The following ZNF451 variants were observed in gnomAD, a reference collection of about 807,000 sequenced individuals.
The protein encoded by ZNF451 is zinc finger protein 451, also known as E3 SUMO-protein ligase ZNF451.
In ZNF451, 80 loss-of-function variants were observed where a neutral mutation model predicts 107.1. That is an observed-to-expected ratio of 0.75 (90% CI 0.62 to 0.90). The LOEUF is 0.90. ZNF451 is among the 40% of genes least tolerant of loss of function. The pLI is 0.00. For synonymous variants in ZNF451, 362 were observed against 406.5 expected, an observed-to-expected ratio of 0.89 and a Z score of 1.32; for missense variants, 1,107 against 1,236.2, an observed-to-expected ratio of 0.90 and a Z score of 1.57.
intron 7 of ZNF451, among the ~76,000 whole-genome samples, chr6:57,136,653 T>C (rs770311031): frequency 2.0e-5 from 3 of 152,190 alleles, no homozygotes; most frequent in Non-Finnish European, 4.4e-5. Flanking sequence ...TGTTCTGCAT[T>C]TTCCAGAATT....
intron 13 of ZNF451, among the ~76,000 whole-genome samples, chr6:57,155,474 A>G (rs1238397353): frequency 1.3e-5 from 2 of 152,228 alleles, no homozygotes; most frequent in Non-Finnish European, 2.9e-5. Context: ...CAATAAGACC[A>G]AAAACTTCGT....
intron 14 of ZNF451, among the ~76,000 whole-genome samples, chr6:57,163,131 T>A (rs1033821465): frequency 6.4e-4 from 97 of 152,258 alleles, no homozygotes; most frequent in African/African-American, 2.2e-3. Flanking sequence ...CCCCTCCTCA[T>A]CACCCCAAAA....
Position 57,106,356 on chromosome 6 carries a change from C to G in ZNF451, c.186+7215C>G, listed in dbSNP as rs1022062157. The stretch of plus-strand genomic sequence containing the variant: ...GACAGTTTCGCTCTTGTTGCCCAGG[C>G]TGGAGTGCAATGGCACGATCTTGGC... On this transcript the variant is annotated intron_variant, in intron 3 of 14. Coordinates refer to ENST00000370706, the MANE Select transcript of ZNF451 (RefSeq NM_001031623.3). 12 of 941,330 alleles carry G rather than the reference C, an allele frequency of 1.3e-5. No homozygotes were observed. In the South Asian group the frequency reaches 4.4e-4, roughly 35 times the overall value. The allele number at this position is 941,330 out of a possible 1,614,324, so 58.3% of individuals were successfully genotyped here. A position where few individuals can be genotyped will look rare whatever the true frequency, so the allele number is the denominator to read the frequency against.
chr6:57,093,489 T>A (rs1467186410), intron 2 of ZNF451, among the ~76,000 whole-genome samples: 1 of 152,216 alleles, frequency 6.6e-6, no homozygotes, highest in Non-Finnish European at 1.5e-5. Context: ...AGCCGTGAGT[T>A]AAGTTCCTTA....
intron 10 of ZNF451, 100 bp from the exon 11 acceptor site, chr6:57,150,619 G>A: frequency 8.2e-7 from 1 of 1,215,778 alleles, no homozygotes; most frequent in Non-Finnish European, 1.1e-6. Context: ...TTCAAGGTTA[G>A]TATTTTTGCA....
intron 13 of ZNF451, chr6:57,159,382 C>G (rs779602543): frequency 9.1e-6 from 9 of 985,364 alleles, no homozygotes; most frequent in Non-Finnish European, 1.1e-5. Flanking sequence ...ATTGTAATAA[C>G]AGAAAGCTGT....
rs1329435643 is a variant in ZNF451, at chr6:57,147,871, T to A, written c.1786T>A (p.Ser596Thr). 6.2e-7 allele frequency: 1 copy of A among 1,613,960 alleles called. No homozygotes were observed. The highest frequency in any genetic ancestry group is 8.5e-7 in the Non-Finnish European group (1 of 1,179,988). Reference sequence around the variant, plus strand: ...ATCAGCTATTACTGTTATTGATCATTCCCCGGCAAATAGTTCTCCGAGGGG... The same window carrying A: ...ATCAGCTATTACTGTTATTGATCATACCCCGGCAAATAGTTCTCCGAGGGG... Reference protein sequence around the residue: ...PSSAITVIDHSPANSSPRGKW... With the variant: ...PSSAITVIDHTPANSSPRGKW... The change falls in exon 10 of 15, where the codon TCC becomes ACC. Residue 596 changes from serine to threonine, a missense_variant. Transcript: ENST00000370706.
At position 57,141,718 on chromosome 6, in the gene ZNF451, T is replaced by C. The variant is rs554484925; in HGVS notation, c.857-230T>C. 2.0e-5 allele frequency among the ~76,000 whole-genome samples: 3 copies of C among 152,320 alleles called. No homozygotes were observed. In the South Asian group the frequency reaches 6.2e-4, roughly 32 times the overall value. Reference sequence around the variant, plus strand: ...GATAATGTTATGTTATATCATGATATCTTGGAAGTTTTCTGTTTCTCGGCA... The same window carrying C: ...GATAATGTTATGTTATATCATGATACCTTGGAAGTTTTCTGTTTCTCGGCA... On this transcript the variant is annotated intron_variant, in intron 8 of 14. Coordinates refer to ENST00000370706, the MANE Select transcript of ZNF451 (RefSeq NM_001031623.3).
At chr6:57,107,775 G>T (rs1366260089) in intron 3 of ZNF451, 1 of 983,834 alleles carries the variant, frequency 1.0e-6, no homozygotes, top group Non-Finnish European at 1.2e-6. Flanking sequence ...AAGTTGTACT[G>T]TTTTCTAGTA....
At position 57,169,612 on chromosome 6, in the gene ZNF451, T is replaced by C. The variant is rs1321357363; in HGVS notation, c.*1143T>C. ...TATATTTAAGACAAAATATAAAGGC[T>C]AGAATTTGGTTCCTTCTCTGTAACA... On this transcript the variant is annotated 3_prime_UTR_variant, in exon 15 of 15. Transcript: ENST00000370706. The C allele has an allele frequency of 6.6e-6, 1 of 152,196 alleles. No individual in the cohort carries two copies. The highest frequency in any genetic ancestry group is 2.4e-5 in the African/African-American group (1 of 41,458). 9.4% of individuals were successfully genotyped at this position (152,196 alleles called of 1,614,324 possible). A position where few individuals can be genotyped will look rare whatever the true frequency, so the allele number is the denominator to read the frequency against.
At position 57,105,114 on chromosome 6, in the gene ZNF451, A is replaced by G. The variant is rs149314671; in HGVS notation, c.186+5973A>G. On this transcript the variant is annotated intron_variant, in intron 3 of 14. Coordinates refer to ENST00000370706, the MANE Select transcript of ZNF451 (RefSeq NM_001031623.3). ...TAGAATCAGAAACTCTTAGTCAGAT[A>G]ATAAATCCTCATATTATGCCTGCCA... 5.5e-5 allele frequency: 54 copies of G among 985,446 alleles called. No individual in the cohort carries two copies. The East Asian group carries it at 6.0e-3, about 110-fold the overall frequency. 61.0% of individuals were successfully genotyped at this position (985,446 alleles called of 1,614,324 possible). A position where few individuals can be genotyped will look rare whatever the true frequency, so the allele number is the denominator to read the frequency against.
intron 5 of ZNF451, among the ~76,000 whole-genome samples, chr6:57,130,009 A>C (rs1831109422): frequency 1.3e-5 from 2 of 152,158 alleles, no homozygotes; most frequent in African/African-American, 4.8e-5. Flanking sequence ...TACAGTATTT[A>C]TTATGTTCGA....
chr6:57,147,501 G>T lies in ZNF451; in HGVS notation c.1416G>T (p.Trp472Cys). ...AAGAAAAATCAGTAGTTAAAACCTG[G>T]TTCTGTGAATGCAATCAGCGATTCC... ...VQKEKSVVKTWFCECNQRFPS... is the reference protein window; with the variant it reads ...VQKEKSVVKTCFCECNQRFPS... The change falls in exon 10 of 15, where the codon TGG becomes TGT. Residue 472 changes from tryptophan to cysteine, a missense_variant. By Grantham distance (215) the Trp-to-Cys change is radical (BLOSUM62 -2). Transcript: ENST00000370706. The T allele has an allele frequency of 6.2e-7, 1 of 1,614,136 alleles. No homozygotes were observed. Among genetic ancestry groups the T allele is most frequent in the Middle Eastern group, 1.6e-4 (1 of 6,062 alleles).
intron 3 of ZNF451, chr6:57,105,276 G>T (rs544643741): frequency 1.0e-6 from 1 of 985,000 alleles, no homozygotes; most frequent in South Asian, 4.7e-5. Flanking sequence ...TAATGATCTT[G>T]ATTCTTCAAA....
intron 14 of ZNF451, among the ~76,000 whole-genome samples, chr6:57,163,032 A>G (rs548439967): frequency 6.6e-6 from 1 of 152,218 alleles, no homozygotes; most frequent in Non-Finnish European, 1.5e-5. Context: ...GATGCTTTAT[A>G]TAAAATAAAT....
intron 14 of ZNF451, among the ~76,000 whole-genome samples, chr6:57,163,532 G>A (rs1763770435): frequency 8.0e-6 from 1 of 125,482 alleles, no homozygotes; most frequent in African/African-American, 3.0e-5. Flanking sequence ...CTCACTGCAA[G>A]CTCCGCCTCC....
intron 13 of ZNF451, chr6:57,159,196 G>A (rs932791755): frequency 2.3e-5 from 23 of 985,202 alleles, no homozygotes; most frequent in African/African-American, 1.9e-4. Context: ...TGGGGTTGAT[G>A]GAGGCAAAAG....
intron 9 of ZNF451, among the ~76,000 whole-genome samples, chr6:57,144,044 T>C (rs574772043): frequency 2.4e-4 from 37 of 152,174 alleles, no homozygotes; most frequent in East Asian, 1.4e-3. Context: ...CAGTGGTTGC[T>C]TGGAGTTGGG....
At chr6:57,163,436 CT>C (rs398001706) in intron 14 of ZNF451, among the ~76,000 whole-genome samples, 38 of 30,316 alleles carry the variant, frequency 1.3e-3, no homozygotes, top group Middle Eastern at 0.042. Context: ...AATGAATAAA[CT>C]TTTTTTTTTT....
Sources: gnomAD v4.1 joint callset for allele counts (sites outside exome capture counted in the v4.1 genomes callset) on GRCh38, gnomAD v4.1.1 for gene constraint, MANE v1.5 for transcripts, NCBI Gene and HGNC (gene_info 2026-07-23, HGNC 2026-07-21) for gene names.